The following ISM2 variants were observed in gnomAD, a reference collection of about 807,000 sequenced individuals.
ISM2 encodes the protein isthmin 2, also known as isthmin-2.
Under a neutral mutation model 58.0 loss-of-function variants are expected in ISM2, and 50 were observed. That is an observed-to-expected ratio of 0.86 (90% CI 0.69 to 1.09). The LOEUF (loss-of-function observed/expected upper bound fraction) is 1.09, where lower values mean the gene tolerates loss of function less well. Ranked by LOEUF, ISM2 falls within the 50% of genes least tolerant of loss-of-function variation. ISM2 has a pLI of 0.00. For missense variants in ISM2, 723 were observed against 745.0 expected (o/e 0.97, Z 0.34); for synonymous variants, 303 against 312.4 (o/e 0.97, Z 0.32).
rs202155629 is a variant in ISM2, at chr14:77,475,921, G to A, written c.1390C>T (p.Arg464Cys). The A allele has an allele frequency of 4.2e-4, 670 of 1,600,178 alleles. 6 individuals are homozygous for A. The South Asian group carries it at 5.2e-3, about 12-fold the overall frequency. Residue 464 changes from arginine (R) to cysteine (C), a missense_variant, in exon 7 of 7, where the codon CGC becomes TGC. Transcript: ENST00000342219. This position sits in a 1 kb window ranked among gnomAD's most constrained non-coding sequence, Gnocchi z 4.1. ...GCCGTGGGCTGGTAGATGTCCAGGC[G>A]CTCGCGAGGGCCACTGGCATCCCTC... ...RWRDASGPRERLDIYQPTARF... is the reference protein window; with the variant it reads ...RWRDASGPRECLDIYQPTARF...
Position 77,484,395 on chromosome 14 carries a change from G to T in ISM2, c.555C>A (p.Pro185=). The part of the protein sequence containing the change: ...ATPPRTQEVT[P]LLLELQKLPE... ...GCAGCTTCTGCAGCTCCAGCAGCAA[G>T]GGAGTAACCTCCTGGGTCCTGGGAG... Residue 185 remains proline, a synonymous_variant, in exon 3 of 7, where the codon CCC becomes CCA. Transcript: ENST00000342219. 6.2e-7 allele frequency: 1 copy of T among 1,607,776 alleles called. No individual in the cohort carries two copies. The highest frequency in any genetic ancestry group is 8.5e-7 in the Non-Finnish European group (1 of 1,177,652).
At chr14:77,497,489 A>G (rs1477558566) in intron 1 of ISM2, among the ~76,000 whole-genome samples, 2 of 151,710 alleles carry the variant, frequency 1.3e-5, no homozygotes, top group East Asian at 3.9e-4. Flanking sequence ...GTTCAAGACC[A>G]GCCTGGGACA....
rs200100459 is a variant in ISM2, at chr14:77,482,365, C to G, written c.930G>C (p.Trp310Cys). ...NGTTDNWDQG[W>C]LAPGDWVFKD... ...TGAAGACCCAATCCCCGGGGGCCAG[C>G]CAGCCCTGGTCCCAGTTGTCTGTAG... The change falls in exon 4 of 7, where the codon TGG (tryptophan) becomes TGC (cysteine). Residue 310 changes from tryptophan to cysteine, a missense_variant. Physicochemically the swap from Trp to Cys is radical, Grantham distance 215. Coordinates refer to ENST00000342219, the MANE Select transcript of ISM2 (RefSeq NM_199296.3). 24 of 1,614,060 alleles carry G rather than the reference C, an allele frequency of 1.5e-5. 1 individual carries two copies. The East Asian group carries it at 5.3e-4, about 36-fold the overall frequency.
chr14:77,492,913 T>C (rs1267216418), intron 1 of ISM2, among the ~76,000 whole-genome samples: 3 of 152,020 alleles, frequency 2.0e-5, no homozygotes, highest in Admixed American at 1.3e-4. Flanking sequence ...GAGAATCGCT[T>C]GAGCCTGGGA....
intron 1 of ISM2, among the ~76,000 whole-genome samples, chr14:77,497,414 A>C (rs2079250409): frequency 6.8e-6 from 1 of 148,112 alleles, no homozygotes; most frequent in Non-Finnish European, 1.5e-5. Context: ...GCTGGGCACC[A>C]TGGCTCATGC....
chr14:77,475,245 A>C lies in ISM2; in HGVS notation c.*350T>G, dbSNP rs1457635323. 1 of 180,564 alleles carries C rather than the reference A, an allele frequency of 5.5e-6. No homozygotes were observed. The highest frequency in any genetic ancestry group is 1.1e-5 in the Non-Finnish European group (1 of 87,682). 11.2% of individuals were successfully genotyped at this position (180,564 alleles called of 1,614,324 possible). On this transcript the variant is annotated 3_prime_UTR_variant, in exon 7 of 7. Coordinates refer to ENST00000342219, the MANE Select transcript of ISM2 (RefSeq NM_199296.3). This position sits in a 1 kb window ranked among gnomAD's most constrained non-coding sequence, Gnocchi z 4.1. ...TTTCTGGAGCTGCTGGCTAACACTT[A>C]TGTGCAGAGCCAGGGCAGAAGAGCC...
Position 77,475,394 on chromosome 14 carries a change from C to A in ISM2, c.*201G>T. ...CCAGGGACACCCACCCTGGGCCCTA[C>A]ATACCCTTCAACCTTCTCACTAACC... On this transcript the variant is annotated 3_prime_UTR_variant, in exon 7 of 7. Transcript: ENST00000342219. This position sits in a 1 kb window ranked among gnomAD's most constrained non-coding sequence, Gnocchi z 4.1. 1 of 514,944 alleles carries A rather than the reference C, an allele frequency of 1.9e-6. No individual in the cohort carries two copies. Among genetic ancestry groups the A allele is most frequent in the Non-Finnish European group, 3.4e-6 (1 of 296,856 alleles). The allele number at this position is 514,944 out of a possible 1,614,324, so 31.9% of individuals were successfully genotyped here.
Position 77,475,758 on chromosome 14 carries a change from G to A in ISM2, c.1553C>T (p.Ser518Leu), listed in dbSNP as rs2079093250. The A allele has an allele frequency of 6.2e-7, 1 of 1,613,996 alleles. No individual in the cohort carries two copies. The highest frequency in any genetic ancestry group is 8.5e-7 in the Non-Finnish European group (1 of 1,180,018). ...GTCGAACTTGAAGTGCAGCTTAGGT[G>A]AGAAGTCGGTGCTGATGAGGTTGGG... ...GMPNLISTDFSPKLHFKFDTT... is the reference protein window; with the variant it reads ...GMPNLISTDFLPKLHFKFDTT... Residue 518 changes from serine to leucine, a missense_variant, in exon 7 of 7, where the codon TCA (serine) becomes TTA (leucine). Ser to Leu is a moderately radical substitution (Grantham distance 145, BLOSUM62 -2). Transcript: ENST00000342219. This position sits in a 1 kb window ranked among gnomAD's most constrained non-coding sequence, Gnocchi z 4.1.
intron 1 of ISM2, 61 bp downstream of exon 1, chr14:77,498,592 C>T: frequency 7.2e-7 from 1 of 1,396,830 alleles, no homozygotes. Context: ...CGGCTGGAGC[C>T]GGCGGGCTGG....
At chr14:77,493,470 TA>T (rs1199142959) in intron 1 of ISM2, among the ~76,000 whole-genome samples, 5 of 150,788 alleles carry the variant, frequency 3.3e-5, no homozygotes, top group East Asian at 2.0e-4. Flanking sequence ...TATTTATTAT[TA>T]TTTTTTTTGA....
intron 1 of ISM2, among the ~76,000 whole-genome samples, chr14:77,490,498 C>T (rs73319055): frequency 0.061 from 9,314 of 152,302 alleles, 352 homozygotes; most frequent in Middle Eastern, 0.099. Flanking sequence ...ACAATGCAGC[C>T]AAGGATCAGA....
chr14:77,477,575 T>C (rs1278487991), intron 6 of ISM2, among the ~76,000 whole-genome samples: 2 of 152,226 alleles, frequency 1.3e-5, no homozygotes, highest in Non-Finnish European at 2.9e-5. Context: ...TGCAGTGCAG[T>C]GCTCACATGG....
At position 77,493,034 on chromosome 14, in the gene ISM2, C is replaced by T. The variant is rs1468451028; in HGVS notation, c.141+5619G>A. ...AAAAAGACAGGGTCTCATTCTGTCA[C>T]CCAGGCTGGAGTGCAGTGGTGCAAT... On this transcript the variant is annotated intron_variant, in intron 1 of 6. Coordinates refer to ENST00000342219, the MANE Select transcript of ISM2 (RefSeq NM_199296.3). Among the ~76,000 whole-genome samples, 3 of 152,250 alleles carry T rather than the reference C, an allele frequency of 2.0e-5. No individual in the cohort carries two copies. In the East Asian group the frequency reaches 5.8e-4, roughly 29 times the overall value.
At chr14:77,480,554 T>G (rs1285830661) in intron 4 of ISM2, among the ~76,000 whole-genome samples, 1 of 136,886 alleles carries the variant, frequency 7.3e-6, no homozygotes, top group East Asian at 2.0e-4. Flanking sequence ...TTTCCTTTTT[T>G]TTTTTTTTTT....
intron 1 of ISM2, chr14:77,498,126 C>T (rs1343977517): frequency 7.7e-6 from 4 of 519,896 alleles, no homozygotes; most frequent in African/African-American, 4.1e-5. Flanking sequence ...AATGCCCACC[C>T]ACAGGCCACG....
At chr14:77,481,436 A>G (rs1594948072) in intron 4 of ISM2, among the ~76,000 whole-genome samples, 1 of 152,164 alleles carries the variant, frequency 6.6e-6, no homozygotes, top group Non-Finnish European at 1.5e-5. Context: ...GTCTTTTTCT[A>G]ACAAAAATAA....
chr14:77,485,432 T>G (rs1172100100), intron 1 of ISM2, among the ~76,000 whole-genome samples: 1 of 152,262 alleles, frequency 6.6e-6, no homozygotes, highest in South Asian at 2.1e-4. Context: ...ATGAGGGCTG[T>G]GTTCCTCCGC....
rs1217417377 is a variant in ISM2, at chr14:77,475,565, C to T, written c.*30G>A. The T allele has an allele frequency of 6.5e-7, 1 of 1,528,030 alleles. No individual in the cohort carries two copies. Among genetic ancestry groups the T allele is most frequent in the South Asian group, 1.3e-5 (1 of 77,164 alleles). The allele number at this position is 1,528,030 out of a possible 1,614,324, so 94.7% of individuals were successfully genotyped here. A position where few individuals can be genotyped will look rare whatever the true frequency, so the allele number is the denominator to read the frequency against. On this transcript the variant is annotated 3_prime_UTR_variant, in exon 7 of 7. Coordinates refer to ENST00000342219, the MANE Select transcript of ISM2 (RefSeq NM_199296.3). This position sits in a 1 kb window ranked among gnomAD's most constrained non-coding sequence, Gnocchi z 4.1. ...CAACAGCAGCAGCCGCCTGCCCTCT[C>T]CCTGCAGTGTCTGTTCAGCAACCCC...
chr14:77,480,854 C>T lies in ISM2; in HGVS notation c.973+1468G>A, dbSNP rs528423460. 3.3e-5 allele frequency among the ~76,000 whole-genome samples: 5 copies of T among 151,850 alleles called. No homozygotes were observed. The East Asian group carries it at 7.8e-4, about 24-fold the overall frequency. ...ATTACAAGGCATGAGCCACCATGCC[C>T]GGCTGTCATGAAAATTTTCTGTGAG... On this transcript the variant is annotated intron_variant, in intron 4 of 6. Transcript: ENST00000342219.
Sources: gnomAD v4.1 joint callset for allele counts (sites outside exome capture counted in the v4.1 genomes callset) on GRCh38, gnomAD v4.1.1 for gene constraint, Gnocchi (gnomAD v3.1) non-coding constraint, MANE v1.5 for transcripts, NCBI Gene and HGNC (gene_info 2026-07-23, HGNC 2026-07-21) for gene names.